SVOPL: variants seen among roughly 807,000 people sequenced by gnomAD.
The protein encoded by SVOPL is putative transporter SVOPL.
In SVOPL, 60 loss-of-function variants were observed where a neutral mutation model predicts 61.0. The ratio of observed to expected loss-of-function variants is 0.98; its 90% CI spans 0.80 to 1.22. SVOPL has a LOEUF of 1.22. SVOPL is among the 50% of genes most tolerant of loss of function. The probability of loss-of-function intolerance (pLI) is 0.00; values close to 1 mark genes in which losing one functional copy is unlikely to be tolerated. For missense variants in SVOPL, 662 were observed against 643.9 expected (o/e 1.03, Z -0.30); for synonymous variants, 279 against 250.0 (o/e 1.12, Z -1.09).
At chr7:138,671,548 A>G (rs1303816894) in intron 4 of SVOPL, among the ~76,000 whole-genome samples, 2 of 152,034 alleles carry the variant, frequency 1.3e-5, no homozygotes, top group South Asian at 2.1e-4. Context: ...GGGTTTCACC[A>G]TGTTGGTCAG....
intron 5 of SVOPL, chr7:138,661,804 T>C (rs1802013402): frequency 1.0e-6 from 1 of 958,958 alleles, no homozygotes. Flanking sequence ...GCAACTGGAC[T>C]GTATGACTTC....
At chr7:138,626,528 G>T (rs1799900777) in intron 12 of SVOPL, among the ~76,000 whole-genome samples, 1 of 152,118 alleles carries the variant, frequency 6.6e-6, no homozygotes, top group Non-Finnish European at 1.5e-5. Context: ...GGGTAGCTGG[G>T]ACTATAGACA....
Position 138,663,164 on chromosome 7 carries a change from TA to T in SVOPL, c.274-20del, listed in dbSNP as rs762939580. ...ACACCATCTGCAAGTGGGAGCGAGA[TA>T]AAACGGTTCTCTAAGCAGGTTTTAC... On this transcript the variant is annotated intron_variant, in intron 4 of 15. Transcript: ENST00000674285. 22 of 1,610,798 alleles carry T rather than the reference TA, an allele frequency of 1.4e-5. No homozygotes were observed. Among genetic ancestry groups the T allele is most frequent in the Non-Finnish European group, 1.2e-5 (14 of 1,178,634 alleles).
chr7:138,638,072 G>A (rs1800582767), intron 9 of SVOPL, among the ~76,000 whole-genome samples: 1 of 152,110 alleles, frequency 6.6e-6, no homozygotes, highest in Non-Finnish European at 1.5e-5. Flanking sequence ...TCAGGAGTTT[G>A]AGAACAGCCT....
At position 138,663,072 on chromosome 7, in the gene SVOPL, A is replaced by AC; in HGVS notation, c.345+1dup. 1 of 1,614,158 alleles carries AC rather than the reference A, an allele frequency of 6.2e-7. No individual in the cohort carries two copies. The highest frequency in any genetic ancestry group is 8.5e-7 in the Non-Finnish European group (1 of 1,180,028). On this transcript the variant is annotated splice_donor_variant, in intron 5 of 15. Transcript: ENST00000674285. LOFTEE classifies it high-confidence loss of function. The stretch of plus-strand genomic sequence containing the variant: ...CAAATGCTACTGTGAGGCCCCACCT[A>AC]CCTTCCAGCGGCCATATCTGTCAGC...
chr7:138,673,651 A>G (rs1802484490), intron 3 of SVOPL, among the ~76,000 whole-genome samples: 1 of 152,112 alleles, frequency 6.6e-6, no homozygotes, highest in African/African-American at 2.4e-5. Context: ...TCTACAAATA[A>G]TAATAATCTC....
At position 138,663,164 on chromosome 7, in the gene SVOPL, T is replaced by TA. The variant is rs762939580; in HGVS notation, c.274-20dup. ...ACACCATCTGCAAGTGGGAGCGAGA[T>TA]AAAACGGTTCTCTAAGCAGGTTTTA... On this transcript the variant is annotated intron_variant, in intron 4 of 15. Coordinates refer to ENST00000674285, the MANE Select transcript of SVOPL (RefSeq NM_001139456.2). 1.9e-6 allele frequency: 3 copies of TA among 1,610,798 alleles called. No homozygotes were observed. The highest frequency in any genetic ancestry group is 2.5e-6 in the Non-Finnish European group (3 of 1,178,634).
chr7:138,667,867 CTTACT>C (rs1026004932), intron 4 of SVOPL, among the ~76,000 whole-genome samples: 68 of 152,306 alleles, frequency 4.5e-4, no homozygotes, highest in African/African-American at 1.6e-3. Context: ...TTGGGAGTAA[CTTACT>C]TTATAGTTTA....
intron 14 of SVOPL, among the ~76,000 whole-genome samples, chr7:138,620,059 T>C (rs899310459): frequency 6.6e-6 from 1 of 151,806 alleles, no homozygotes; most frequent in Non-Finnish European, 1.5e-5. Context: ...TTCCTGCCTT[T>C]TTTTGCTACA....
At chr7:138,600,017 A>G (rs932227526) in intron 14 of SVOPL, among the ~76,000 whole-genome samples, 1 of 152,238 alleles carries the variant, frequency 6.6e-6, no homozygotes, top group African/African-American at 2.4e-5. Context: ...AGCCTGATGG[A>G]AAACAAACAC....
rs1477484357 is a variant in SVOPL at position 138,615,547 on chromosome 7, G to A, written c.1353+5499C>T. Among the ~76,000 whole-genome samples, 2 of 96,780 alleles carry A rather than the reference G, an allele frequency of 2.1e-5. 1 individual carries two copies. The highest frequency in any genetic ancestry group is 4.0e-5 in the Non-Finnish European group (2 of 50,140). The allele number at this position is 96,780 out of a possible 152,430, so 63.5% of individuals were successfully genotyped here. On this transcript the variant is annotated intron_variant, in intron 14 of 15. Coordinates refer to ENST00000674285, the MANE Select transcript of SVOPL (RefSeq NM_001139456.2). ...CTCCATCCTGCCTGGGTGACAGAGCGAGACTCCGTCTCCAAAAAAAAAAAA... is the reference window on the plus strand; with the variant it reads ...CTCCATCCTGCCTGGGTGACAGAGCAAGACTCCGTCTCCAAAAAAAAAAAA...
Position 138,618,295 on chromosome 7 carries a change from C to G in SVOPL, c.1353+2751G>C, listed in dbSNP as rs914087767. Among the ~76,000 whole-genome samples the G allele has an allele frequency of 8.5e-5, 13 of 152,172 alleles. No individual in the cohort carries two copies. The East Asian group carries it at 2.5e-3, about 29-fold the overall frequency. On this transcript the variant is annotated intron_variant, in intron 14 of 15. Transcript: ENST00000674285. ...GTCAAACATTGGGTTAATTGCTTTA[C>G]ATTTATTCATCTCATTTCATCCTTA...
chr7:138,596,627 A>G, intron 14 of SVOPL, 97 bp from the exon 15 acceptor site: 1 of 1,483,132 alleles, frequency 6.7e-7, no homozygotes, highest in Non-Finnish European at 9.0e-7. Context: ...CTTCACTAAG[A>G]TGGTCCTTTG....
intron 1 of SVOPL, among the ~76,000 whole-genome samples, chr7:138,679,642 G>T (rs1039059099): frequency 6.6e-6 from 1 of 152,012 alleles, no homozygotes; most frequent in Admixed American, 6.6e-5. Context: ...TTCTCAAATG[G>T]GTTTCCTAAA....
intron 9 of SVOPL, among the ~76,000 whole-genome samples, chr7:138,631,696 G>T (rs1009132926): frequency 6.6e-6 from 1 of 152,144 alleles, no homozygotes; most frequent in African/African-American, 2.4e-5. Flanking sequence ...GGCTTCCCGA[G>T]TAGCTGGGAG....
At chr7:138,603,457 G>A (rs548688053) in intron 14 of SVOPL, among the ~76,000 whole-genome samples, 2 of 152,324 alleles carry the variant, frequency 1.3e-5, no homozygotes, top group South Asian at 4.1e-4. Context: ...GCTGAGGCAG[G>A]TGGATCAATT....
intron 9 of SVOPL, among the ~76,000 whole-genome samples, chr7:138,634,799 C>G (rs1800387746): frequency 6.6e-6 from 1 of 150,452 alleles, no homozygotes; most frequent in African/African-American, 2.5e-5. Context: ...CCTGTCTTCT[C>G]AAAAAACTGT....
At chr7:138,608,620 G>A (rs1042053980) in intron 14 of SVOPL, among the ~76,000 whole-genome samples, 5 of 152,258 alleles carry the variant, frequency 3.3e-5, no homozygotes, top group African/African-American at 1.2e-4. Context: ...TCTGTGAAAT[G>A]TGAGTAAGTT....
chr7:138,686,360 C>T (rs996149535), intron 1 of SVOPL, among the ~76,000 whole-genome samples: 2 of 140,358 alleles, frequency 1.4e-5, no homozygotes, highest in South Asian at 2.4e-4. Context: ...TAGCCGAGAT[C>T]GTGCCACTTC....
Sources: allele counts gnomAD v4.1 joint callset (sites outside exome capture counted in the v4.1 genomes callset), GRCh38; gene constraint gnomAD v4.1.1; transcripts MANE v1.5; gene names NCBI Gene and HGNC (gene_info 2026-07-23, HGNC 2026-07-21).